The following ARHGAP44 variants were observed in gnomAD, a reference collection of about 807,000 sequenced individuals.
ARHGAP44 encodes the protein Rho GTPase activating protein 44.
In ARHGAP44, 43 loss-of-function variants were observed where a neutral mutation model predicts 106.8. That is an observed-to-expected ratio of 0.40 (90% CI 0.32 to 0.52). The LOEUF is 0.52. Among genes scored for constraint, ARHGAP44 ranks in the 20% least tolerant of loss-of-function variants. The pLI, the probability that ARHGAP44 is intolerant of heterozygous loss-of-function variation, is 0.48. For synonymous variants in ARHGAP44, 439 were observed against 410.3 expected, an observed-to-expected ratio of 1.07 and a Z score of -0.85; for missense variants, 866 against 1,050.5, an observed-to-expected ratio of 0.82 and a Z score of 2.43.
At chr17:12,961,592 G>A (rs756281105) in intron 16 of ARHGAP44, among the ~76,000 whole-genome samples, 7 of 152,132 alleles carry the variant, frequency 4.6e-5, no homozygotes, top group Non-Finnish European at 8.8e-5. Flanking sequence ...AAATTAGCCC[G>A]GTATGATGGC....
chr17:12,801,408 A>C lies in ARHGAP44; in HGVS notation c.53+11517A>C, dbSNP rs150325474. Among the ~76,000 whole-genome samples the C allele has an allele frequency of 2.2e-3, 338 of 152,334 alleles. 6 individuals carry two copies. Among genetic ancestry groups the C allele is most frequent in the East Asian group, 0.01 (52 of 5,176 alleles). Reference sequence around the variant, plus strand: ...TGGTGTCTCCCCCATTTTCTACACAAGTCTCAGAGCAGGTGAGTGCCTTGT... The same window carrying C: ...TGGTGTCTCCCCCATTTTCTACACACGTCTCAGAGCAGGTGAGTGCCTTGT... On this transcript the variant is annotated intron_variant, in intron 1 of 20. Coordinates refer to ENST00000379672, the MANE Select transcript of ARHGAP44 (RefSeq NM_014859.6).
intron 20 of ARHGAP44, 43 bp from the exon 21 acceptor site, chr17:12,989,989 G>A (rs200855777): frequency 6.6e-5 from 105 of 1,586,980 alleles, no homozygotes; most frequent in Non-Finnish European, 8.2e-5. Context: ...CTCATTTGCC[G>A]GGAAGCCTCC....
Position 12,949,244 on chromosome 17 carries a change from A to G in ARHGAP44, c.966A>G (p.Ala322=), listed in dbSNP as rs756622602. The part of the protein sequence containing the change: ...DVQEYSADPH[A]IAGALKSYLR... ...AGGAGTACTCGGCAGACCCCCACGC[A>G]ATTGCAGGTGGGCACCTCTCAGCGC... The change falls in exon 11 of 21, where the codon GCA becomes GCG. Residue 322 remains alanine, a synonymous_variant. Coordinates refer to ENST00000379672, the MANE Select transcript of ARHGAP44 (RefSeq NM_014859.6). The surrounding 1 kb of genome is among the most constrained non-coding windows in gnomAD (Gnocchi z 4.1). 1 of 1,559,532 alleles carries G rather than the reference A, an allele frequency of 6.4e-7. No individual in the cohort carries two copies.
chr17:12,924,408 A>C (rs1363145479), intron 6 of ARHGAP44, among the ~76,000 whole-genome samples: 3 of 152,180 alleles, frequency 2.0e-5, no homozygotes, highest in African/African-American at 7.2e-5. Context: ...TGTGTGTGAT[A>C]GGTTTGGTTT....
chr17:12,922,754 A>G (rs2038121304), intron 6 of ARHGAP44, among the ~76,000 whole-genome samples: 1 of 150,924 alleles, frequency 6.6e-6, no homozygotes, highest in African/African-American at 2.4e-5. Context: ...ACCTGCCATC[A>G]CACTCAGCTA....
At chr17:12,975,572 G>A (rs1271469527) in intron 18 of ARHGAP44, among the ~76,000 whole-genome samples, 1 of 152,014 alleles carries the variant, frequency 6.6e-6, no homozygotes, top group African/African-American at 2.4e-5. Flanking sequence ...GCCGAGGCGG[G>A]TGGATCACGA....
intron 14 of ARHGAP44, 92 bp downstream of exon 14, chr17:12,956,072 C>T: frequency 1.2e-6 from 1 of 846,510 alleles, no homozygotes; most frequent in Admixed American, 2.4e-5. Context: ...TAGCTGAGCA[C>T]CAGCCTCATG....
rs540459541 is a variant in ARHGAP44, at chr17:12,960,688, C to T, written c.1523+1791C>T. Among the ~76,000 whole-genome samples the T allele has an allele frequency of 1.1e-3, 163 of 152,188 alleles. 1 individual carries two copies. The highest frequency in any genetic ancestry group is 1.2e-3 in the African/African-American group (48 of 41,578). On this transcript the variant is annotated intron_variant, in intron 16 of 20. Coordinates refer to ENST00000379672, the MANE Select transcript of ARHGAP44 (RefSeq NM_014859.6). ...TAATAATTCTCAGGCCTCAGCCTCC[C>T]GAGTAGCTGGGATTACAGGCAGGAG...
intron 5 of ARHGAP44, among the ~76,000 whole-genome samples, chr17:12,916,597 C>T (rs2037922780): frequency 6.6e-6 from 1 of 152,196 alleles, no homozygotes; most frequent in South Asian, 2.1e-4. Flanking sequence ...GTTGGCCAGG[C>T]TGGTCTCGAA....
In ARHGAP44 at chr17:12,803,882, T is replaced by TTTGTATATA. The variant is rs545435892; in HGVS notation, c.53+13997_53+13998insATATTGTAT. On this transcript the variant is annotated intron_variant, in intron 1 of 20. Coordinates refer to ENST00000379672, the MANE Select transcript of ARHGAP44 (RefSeq NM_014859.6). The stretch of plus-strand genomic sequence containing the variant: ...TTATCTTAGAAATTTACAATCTATA[T>TTTGTATATA]TTGTATTTACGGCTCTAAGAAGTTC... 4.8e-3 allele frequency among the ~76,000 whole-genome samples: 731 copies of TTTGTATATA among 152,346 alleles called. 27 individuals carry two copies. In the East Asian group the frequency reaches 0.086, roughly 18 times the overall value.
At chr17:12,912,392 T>A (rs913108022) in intron 4 of ARHGAP44, among the ~76,000 whole-genome samples, 3 of 143,610 alleles carry the variant, frequency 2.1e-5, no homozygotes, top group Non-Finnish European at 3.1e-5. Flanking sequence ...GTAGAAAAAA[T>A]TAGAAAATTA....
chr17:12,984,684 A>G lies in ARHGAP44; in HGVS notation c.2093A>G (p.Tyr698Cys), dbSNP rs779285508. 9.9e-6 allele frequency: 16 copies of G among 1,612,644 alleles called. No individual in the cohort carries two copies. Among genetic ancestry groups the G allele is most frequent in the Non-Finnish European group, 1.4e-5 (16 of 1,179,532 alleles). ...SPYGLSYPQG[Y>C]SLASGQLSPA... Reference sequence around the variant, plus strand: ...TATGGACTGAGCTACCCTCAGGGGTACTCCTTGGCCTCGGGCCAGCTCTCC... The same window carrying G: ...TATGGACTGAGCTACCCTCAGGGGTGCTCCTTGGCCTCGGGCCAGCTCTCC... The change falls in exon 20 of 21, where the codon TAC becomes TGC. Residue 698 changes from tyrosine to cysteine, a missense_variant. Physicochemically the swap from Tyr to Cys is radical, Grantham distance 194. Transcript: ENST00000379672.
chr17:12,879,038 T>C (rs924060161), intron 1 of ARHGAP44, among the ~76,000 whole-genome samples: 1 of 152,204 alleles, frequency 6.6e-6, no homozygotes, highest in Non-Finnish European at 1.5e-5. Context: ...GTTACATGAA[T>C]AAGTTCATTA....
intron 5 of ARHGAP44, among the ~76,000 whole-genome samples, chr17:12,916,789 G>A (rs763194845): frequency 6.6e-6 from 1 of 152,192 alleles, no homozygotes; most frequent in Non-Finnish European, 1.5e-5. Context: ...AACTTTGCTA[G>A]CTTCAGCCAA....
rs532807063 is a variant in ARHGAP44 at position 12,799,025 on chromosome 17, T to G, written c.53+9134T>G. Among the ~76,000 whole-genome samples, 129 of 152,360 alleles carry G rather than the reference T, an allele frequency of 8.5e-4. 1 individual carries two copies. In the South Asian group the frequency reaches 0.024, roughly 28 times the overall value. On this transcript the variant is annotated intron_variant, in intron 1 of 20. Coordinates refer to ENST00000379672, the MANE Select transcript of ARHGAP44 (RefSeq NM_014859.6). ...TGTATTTCTATTGTCATTCCTAATT[T>G]ACAATTCTGTTTTTCCCTTTGACAA...
At chr17:12,971,943 C>T (rs1050177643) in intron 16 of ARHGAP44, among the ~76,000 whole-genome samples, 6 of 152,188 alleles carry the variant, frequency 3.9e-5, no homozygotes, top group Admixed American at 6.5e-5. Context: ...AGCTAAATCC[C>T]ACCATCCCAC....
chr17:12,816,276 A>G (rs2034594458), intron 1 of ARHGAP44, among the ~76,000 whole-genome samples: 1 of 152,122 alleles, frequency 6.6e-6, no homozygotes, highest in African/African-American at 2.4e-5. Context: ...ATTCATCTTG[A>G]AGCTATAAAC....
chr17:12,956,004 T>C, intron 14 of ARHGAP44, 24 bp downstream of exon 14: 1 of 1,575,100 alleles, frequency 6.3e-7, no homozygotes, highest in Non-Finnish European at 8.7e-7. Flanking sequence ...GGAGAAGTAA[T>C]GTGGGTGATC....
chr17:12,959,963 C>A (rs546322591), intron 16 of ARHGAP44, among the ~76,000 whole-genome samples: 2 of 152,194 alleles, frequency 1.3e-5, no homozygotes, highest in African/African-American at 4.8e-5. Flanking sequence ...AATCCAAGAA[C>A]TGTTAGAGGT....
Sources: allele counts gnomAD v4.1 joint callset (sites outside exome capture counted in the v4.1 genomes callset), GRCh38; gene constraint gnomAD v4.1.1; non-coding constraint Gnocchi (gnomAD v3.1); transcripts MANE v1.5; gene names NCBI Gene and HGNC (gene_info 2026-07-23, HGNC 2026-07-21).